DGLUCY: variants seen among roughly 807,000 people sequenced by gnomAD.
DGLUCY encodes D-glutamate cyclase, mitochondrial.
In DGLUCY, 58 loss-of-function variants were observed where a neutral mutation model predicts 58.5. The observed-to-expected ratio is 0.99, with a 90% CI of 0.80 to 1.23. The LOEUF is 1.23. DGLUCY is among the 50% of genes most tolerant of loss of function. DGLUCY has a pLI of 0.00. For missense variants in DGLUCY, 779 were observed against 784.7 expected (o/e 0.99, Z 0.09); for synonymous variants, 325 against 314.1 (o/e 1.03, Z -0.37).
chr14:91,199,338 C>T (rs941353986), intron 10 of DGLUCY, among the ~76,000 whole-genome samples: 4 of 151,894 alleles, frequency 2.6e-5, no homozygotes, highest in Non-Finnish European at 5.9e-5. Flanking sequence ...CAGCTCACTG[C>T]AACCTCTGCC....
In DGLUCY at chr14:91,204,713, T is replaced by A. The variant is rs747012248; in HGVS notation, c.1452T>A (p.Gly484=). 2.5e-6 allele frequency: 4 copies of A among 1,613,880 alleles called. No individual in the cohort carries two copies. The South Asian group carries it at 4.4e-5, about 18-fold the overall frequency. ...KIPGISSTGV[G]DGGNELGMGK... ...AGCTCCCCTTCCCTTCAGGAGTCGGTGATGGAGGCAACGAGCTTGGGATGG... is the reference window on the plus strand; with the variant it reads ...AGCTCCCCTTCCCTTCAGGAGTCGGAGATGGAGGCAACGAGCTTGGGATGG... The change falls in exon 12 of 14, where the codon GGT becomes GGA. Residue 484 remains glycine, a synonymous_variant. Coordinates refer to ENST00000256324, the MANE Select transcript of DGLUCY (RefSeq NM_001102368.3).
chr14:91,102,741 GTA>G lies in DGLUCY; in HGVS notation c.-82+42039_-82+42040del, dbSNP rs201800964. 1.9e-3 allele frequency among the ~76,000 whole-genome samples: 268 copies of G among 140,358 alleles called. 4 individuals are homozygous for G. Among genetic ancestry groups the G allele is most frequent in the South Asian group, 4.7e-3 (20 of 4,296 alleles). 92.1% of individuals were successfully genotyped at this position (140,358 alleles called of 152,430 possible). A position where few individuals can be genotyped will look rare whatever the true frequency, so the allele number is the denominator to read the frequency against. ...ATGCTGCTGGGACCCCTTCCAGTGT[GTA>G]TGTGTGTGTGTGTGTGTGTGTGTGT... is the stretch of plus-strand genomic sequence containing the variant. On this transcript the variant is annotated intron_variant, in intron 1 of 4. Coordinates refer to the DGLUCY transcript ENST00000521334.
At chr14:91,224,425 C>T (rs1386034228) in intron 13 of DGLUCY, among the ~76,000 whole-genome samples, 2 of 152,174 alleles carry the variant, frequency 1.3e-5, no homozygotes, top group East Asian at 3.8e-4. Context: ...AGTTACATAA[C>T]AGTAACTACC....
At chr14:91,146,113 T>A (rs2046998533) in intron 1 of DGLUCY, among the ~76,000 whole-genome samples, 1 of 152,168 alleles carries the variant, frequency 6.6e-6, no homozygotes, top group African/African-American at 2.4e-5. Flanking sequence ...GCTCAAGCCA[T>A]CCACCCTCCT....
rs1595949346 is a variant in DGLUCY at position 91,217,181 on chromosome 14, A to T, written c.1716+1625A>T. 2.0e-5 allele frequency among the ~76,000 whole-genome samples: 3 copies of T among 152,180 alleles called. No individual in the cohort carries two copies. The East Asian group carries it at 5.8e-4, about 29-fold the overall frequency. On this transcript the variant is annotated intron_variant, in intron 13 of 13. Transcript: ENST00000256324. The stretch of plus-strand genomic sequence containing the variant: ...TGGGGAATATTCCCAGGTAATTTGG[A>T]CTTTGGGAAAACGGGGCCAAAGCTC...
At chr14:91,108,526 T>TGTGTGTGAGA (rs1265665234) in intron 1 of DGLUCY, among the ~76,000 whole-genome samples, 1,765 of 52,174 alleles carry the variant, frequency 0.034, 60 homozygotes, top group Non-Finnish European at 0.042. Flanking sequence ...TGTGTGTGTG[T>TGTGTGTGAGA]GAGAGAGAGA....
At chr14:91,163,815 G>A (rs1233308814) in intron 3 of DGLUCY, among the ~76,000 whole-genome samples, 1 of 152,124 alleles carries the variant, frequency 6.6e-6, no homozygotes, top group Non-Finnish European at 1.5e-5. Context: ...AAATGACTTG[G>A]CATGGGGAGC....
At chr14:91,152,477 A>C (rs1388425093) in intron 1 of DGLUCY, among the ~76,000 whole-genome samples, 3 of 152,188 alleles carry the variant, frequency 2.0e-5, no homozygotes, top group African/African-American at 7.2e-5. Context: ...TAACCTATTA[A>C]ATAAACAAAT....
At chr14:91,135,349 A>C (rs573244593) in intron 1 of DGLUCY, among the ~76,000 whole-genome samples, 2 of 152,262 alleles carry the variant, frequency 1.3e-5, no homozygotes, top group South Asian at 4.1e-4. Flanking sequence ...AACATTCACC[A>C]TTAAGTATGG....
intron 12 of DGLUCY, among the ~76,000 whole-genome samples, chr14:91,210,259 A>G (rs1401818523): frequency 6.6e-6 from 1 of 152,212 alleles, no homozygotes; most frequent in Non-Finnish European, 1.5e-5. Context: ...TAACTGATAA[A>G]ACTGCAAGGA....
At chr14:91,192,989 A>T (rs2049991652) in intron 9 of DGLUCY, among the ~76,000 whole-genome samples, 1 of 152,092 alleles carries the variant, frequency 6.6e-6, no homozygotes, top group Admixed American at 6.6e-5. Flanking sequence ...GGCAAGGAGA[A>T]ATTGGGAGGC....
chr14:91,087,313 C>A (rs1299550897), intron 1 of DGLUCY, among the ~76,000 whole-genome samples: 1 of 151,834 alleles, frequency 6.6e-6, no homozygotes, highest in Admixed American at 6.6e-5. Flanking sequence ...CCCTACAGAA[C>A]CCCCCCTGTC....
chr14:91,107,773 A>AT (rs1452196639), upstream of DGLUCY, among the ~76,000 whole-genome samples: 1 of 152,092 alleles, frequency 6.6e-6, no homozygotes, highest in Non-Finnish European at 1.5e-5. Context: ...TCAGATGGCG[A>AT]TAAGTGCTGT....
chr14:91,212,179 G>A (rs1053160013), intron 12 of DGLUCY, among the ~76,000 whole-genome samples: 2 of 152,148 alleles, frequency 1.3e-5, no homozygotes, highest in African/African-American at 4.8e-5. Context: ...CTTCACTAAA[G>A]TTTCAAACTT....
intron 1 of DGLUCY, among the ~76,000 whole-genome samples, chr14:91,147,508 G>A (rs971838635): frequency 1.3e-4 from 20 of 152,130 alleles, no homozygotes; most frequent in African/African-American, 4.8e-4. Flanking sequence ...GAACCATCCC[G>A]TAGCACTTAC....
exon 1 of DGLUCY, chr14:91,060,458 C>T (rs759337954): frequency 2.1e-6 from 3 of 1,417,966 alleles, no homozygotes; most frequent in Non-Finnish European, 2.8e-6. Context: ...TCCGATCCCG[C>T]GGGTCGCTAC....
At chr14:91,065,986 C>T (rs773211364) in intron 1 of DGLUCY, among the ~76,000 whole-genome samples, 4 of 152,198 alleles carry the variant, frequency 2.6e-5, no homozygotes, top group Non-Finnish European at 4.4e-5. Flanking sequence ...CGTGAAAAGG[C>T]TGAGACAGAG....
intron 1 of DGLUCY, among the ~76,000 whole-genome samples, chr14:91,132,162 A>G (rs1018800664): frequency 2.0e-5 from 3 of 152,142 alleles, no homozygotes; most frequent in Non-Finnish European, 4.4e-5. Flanking sequence ...AGACATGGCT[A>G]TGGGTTTTAT....
chr14:91,077,103 G>A (rs972216344), intron 1 of DGLUCY, among the ~76,000 whole-genome samples: 2 of 152,000 alleles, frequency 1.3e-5, no homozygotes, highest in Non-Finnish European at 2.9e-5. Flanking sequence ...AATTAGCCAG[G>A]TGTGGTGGTG....
Sources: allele counts gnomAD v4.1 joint callset (sites outside exome capture counted in the v4.1 genomes callset), GRCh38; gene constraint gnomAD v4.1.1; transcripts MANE v1.5; gene names NCBI Gene and HGNC (gene_info 2026-07-23, HGNC 2026-07-21).